Variants in PCDH1 observed in about 807,000 individuals in gnomAD.
PCDH1 encodes protocadherin 1, also known as protocadherin-1.
Under a neutral mutation model 74.6 loss-of-function variants are expected in PCDH1, and 23 were observed. The observed-to-expected ratio is 0.31, with a 90% confidence interval of 0.22 to 0.44. PCDH1 has a LOEUF of 0.44. Among genes scored for constraint, PCDH1 ranks in the 20% least tolerant of loss-of-function variants. The pLI, the probability that PCDH1 is intolerant of heterozygous loss-of-function variation, is 1.00. For missense variants in PCDH1, 1,214 were observed against 1,641.4 expected, an observed-to-expected ratio of 0.74 and a Z score of 4.50; for synonymous variants, 647 against 686.1, an observed-to-expected ratio of 0.94 and a Z score of 0.89.
Position 141,864,775 on chromosome 5 carries a change from T to C in PCDH1, c.1556A>G (p.Asn519Ser). Residue 519 changes from asparagine (N) to serine (S), a missense_variant, in exon 3 of 5, where the codon AAC becomes AGC. Asn to Ser is a conservative substitution (Grantham distance 46). This residue lies in a region of PCDH1 where 836 missense variants were observed against 1,182.2 expected (regional missense o/e 0.71). Transcript: ENST00000287008. The surrounding 1 kb of genome is among the most constrained non-coding windows in gnomAD (Gnocchi z 5.9). ...SVTEVAFPEN[N>S]KPGEVIAEIT... ...CTCAGCAATCACTTCACCAGGCTTG[T>C]TGTTTTCCGGGAAGGCGACCTCAGT... The C allele has an allele frequency of 1.9e-6, 3 of 1,614,088 alleles. No homozygotes were observed. Among genetic ancestry groups the C allele is most frequent in the Non-Finnish European group, 1.7e-6 (2 of 1,179,998 alleles).
At chr5:141,875,309 G>C (rs1474056168) in intron 1 of PCDH1, among the ~76,000 whole-genome samples, 1 of 152,108 alleles carries the variant, frequency 6.6e-6, no homozygotes, top group East Asian at 1.9e-4. Context: ...TCGCTGGTTG[G>C]TAAGTCCTAT....
Position 141,863,255 on chromosome 5 carries a change from G to A in PCDH1, c.3076C>T (p.Pro1026Ser). ...ACCTGCTTGCTGGGGTATTTGGGGG[G>A]GTTGGTGCGGTAGCTGTAGTCGGAG... ...QYSDYSYRTN[P>S]PKYPSKQLPH... Residue 1026 changes from proline to serine, a missense_variant, in exon 3 of 5, where the codon CCC (proline) becomes TCC (serine). Physicochemically the swap from Pro to Ser is moderately conservative, Grantham distance 74. Around this residue, in one of 4 missense-constraint regions of PCDH1, gnomAD observed 836 missense variants for 1,182.2 expected, o/e 0.71. Coordinates refer to ENST00000287008, the MANE Select transcript of PCDH1 (RefSeq NM_032420.5). This position sits in a 1 kb window ranked among gnomAD's most constrained non-coding sequence, Gnocchi z 7.5. The A allele has an allele frequency of 6.3e-7, 1 of 1,593,380 alleles. No individual in the cohort carries two copies. The highest frequency in any genetic ancestry group is 8.5e-7 in the Non-Finnish European group (1 of 1,169,786).
At chr5:141,859,798 T>C (rs1333056357) in intron 3 of PCDH1, among the ~76,000 whole-genome samples, 1 of 152,174 alleles carries the variant, frequency 6.6e-6, no homozygotes, top group African/African-American at 2.4e-5. Flanking sequence ...CTATGCCCTT[T>C]TAAGCCCACC....
At chr5:141,866,215 CG>C (rs1327725778) in intron 2 of PCDH1, 2 of 985,410 alleles carry the variant, frequency 2.0e-6, no homozygotes, top group African/African-American at 3.5e-5. Context: ...CTTCTCCTCC[CG>C]ACTGGCACCG....
At chr5:141,873,056 G>A (rs1753131544) in intron 1 of PCDH1, among the ~76,000 whole-genome samples, 1 of 152,160 alleles carries the variant, frequency 6.6e-6, no homozygotes, top group Non-Finnish European at 1.5e-5. Context: ...CAATTGTGAT[G>A]CAATGGTCGG....
chr5:141,853,787 G>T lies in PCDH1; in HGVS notation c.*255C>A. The T allele has an allele frequency of 2.6e-6, 1 of 385,658 alleles. No individual in the cohort carries two copies. The highest frequency in any genetic ancestry group is 2.1e-5 in the African/African-American group (1 of 48,780). 23.9% of individuals were successfully genotyped at this position (385,658 alleles called of 1,614,324 possible). On this transcript the variant is annotated 3_prime_UTR_variant, in exon 5 of 5. Transcript: ENST00000287008. ...GAAGGAGCCCAGTCATTGCAGAGGAGCCCTCTTGGGCATCAGATGGGGGAA... is the reference window on the plus strand; with the variant it reads ...GAAGGAGCCCAGTCATTGCAGAGGATCCCTCTTGGGCATCAGATGGGGGAA...
At chr5:141,862,319 C>G (rs567664809) in intron 3 of PCDH1, among the ~76,000 whole-genome samples, 1 of 152,158 alleles carries the variant, frequency 6.6e-6, no homozygotes, top group East Asian at 1.9e-4. Context: ...AAAAATCAAG[C>G]CTCAGATGGG....
In PCDH1 at chr5:141,868,013, G is replaced by A. The variant is rs1322404845; in HGVS notation, c.903+556C>T. ...ATCTATGGGCACCCCATGCCTAGGG[G>A]AGGAGGCATGTATACAGACACCCTA... On this transcript the variant is annotated intron_variant, in intron 2 of 4. Coordinates refer to ENST00000287008, the MANE Select transcript of PCDH1 (RefSeq NM_032420.5). This position sits in a 1 kb window ranked among gnomAD's most constrained non-coding sequence, Gnocchi z 4.8. Among the ~76,000 whole-genome samples, 1 of 152,256 alleles carries A rather than the reference G, an allele frequency of 6.6e-6. No individual in the cohort carries two copies. The highest frequency in any genetic ancestry group is 1.5e-5 in the Non-Finnish European group (1 of 68,048).
At chr5:141,873,101 A>C (rs1186789798) in intron 1 of PCDH1, among the ~76,000 whole-genome samples, 1 of 151,952 alleles carries the variant, frequency 6.6e-6, no homozygotes, top group Non-Finnish European at 1.5e-5. Context: ...AATTCCAGGG[A>C]GTTAAGAAAG....
At position 141,865,076 on chromosome 5, in the gene PCDH1, C is replaced by T; in HGVS notation, c.1255G>A (p.Val419Met). 1 of 1,614,194 alleles carries T rather than the reference C, an allele frequency of 6.2e-7. No individual in the cohort carries two copies. The highest frequency in any genetic ancestry group is 8.5e-7 in the Non-Finnish European group (1 of 1,180,036). ...TTCTCTCCCTCATCTCGGTCAGACA[C>T]CTGCACCAGGGCCACAGCTGTCTCC... ...AEETAVALVQ[V>M]SDRDEGENAA... Residue 419 changes from valine (V) to methionine (M), a missense_variant, in exon 3 of 5, where the codon GTG (valine) becomes ATG (methionine). Physicochemically the swap from Val to Met is conservative, Grantham distance 21. Transcript: ENST00000287008. The surrounding 1 kb of genome is among the most constrained non-coding windows in gnomAD (Gnocchi z 4.4).
At position 141,863,733 on chromosome 5, in the gene PCDH1, C is replaced by T. The variant is rs1405428574; in HGVS notation, c.2598G>A (p.Leu866=). The change falls in exon 3 of 5, where the codon TTG becomes TTA. Residue 866 remains leucine (L), a synonymous_variant. Transcript: ENST00000287008. This position sits in a 1 kb window ranked among gnomAD's most constrained non-coding sequence, Gnocchi z 7.5. ...GCACAAGAACCGCCAGGGCGATGAG[C>T]AAGGCCACGGCCACCACACCAGCCA... ...GVVAGVVAVA[L]LIALAVLVRY... is the part of the protein sequence containing the mutation. 6.2e-7 allele frequency: 1 copy of T among 1,614,198 alleles called. No individual in the cohort carries two copies. The highest frequency in any genetic ancestry group is 8.5e-7 in the Non-Finnish European group (1 of 1,180,026).
chr5:141,875,494 T>G (rs1008468669), intron 1 of PCDH1, among the ~76,000 whole-genome samples: 1 of 151,956 alleles, frequency 6.6e-6, no homozygotes, highest in African/African-American at 2.4e-5. Flanking sequence ...GAACCCTGAT[T>G]CCCACTTAGC....
intron 2 of PCDH1, chr5:141,866,182 G>A (rs1040643602): frequency 4.5e-5 from 44 of 985,378 alleles, no homozygotes; most frequent in African/African-American, 1.9e-4. Flanking sequence ...CTGTCAAACC[G>A]GGGAAACCTG....
intron 1 of PCDH1, among the ~76,000 whole-genome samples, chr5:141,877,967 G>C (rs1332550845): frequency 6.6e-6 from 1 of 152,164 alleles, no homozygotes; most frequent in Admixed American, 6.5e-5. Flanking sequence ...GCCCAGGTTT[G>C]GGACGCGGGG....
rs1452752801 is a variant in PCDH1 at position 141,865,007 on chromosome 5, G to A, written c.1324C>T (p.Leu442=). 1 of 1,614,118 alleles carries A rather than the reference G, an allele frequency of 6.2e-7. No homozygotes were observed. Among genetic ancestry groups the A allele is most frequent in the Admixed American group, 1.7e-5 (1 of 60,016 alleles). The change falls in exon 3 of 5, where the codon CTG becomes TTG. Residue 442 remains leucine, a synonymous_variant. Transcript: ENST00000287008. This position sits in a 1 kb window ranked among gnomAD's most constrained non-coding sequence, Gnocchi z 4.4. ...CVVAGDVPFQ[L]RQASETGSDS... is the part of the protein sequence containing the mutation. ...CTGCCTGTCTCACTGGCCTGGCGCA[G>A]CTGGAAGGGCACATCACCTGCCACC...
At chr5:141,862,033 G>T (rs983264456) in intron 3 of PCDH1, among the ~76,000 whole-genome samples, 6 of 151,432 alleles carry the variant, frequency 4.0e-5, no homozygotes, top group Non-Finnish European at 8.8e-5. Context: ...TTAGGAATTC[G>T]CCATGTCTCC....
At chr5:141,860,387 C>T (rs1408003375) in intron 3 of PCDH1, among the ~76,000 whole-genome samples, 2 of 151,516 alleles carry the variant, frequency 1.3e-5, no homozygotes, top group Non-Finnish European at 2.9e-5. Context: ...TGGTGCACGA[C>T]TGTAGTCCCA....
At position 141,868,980 on chromosome 5, in the gene PCDH1, G is replaced by A. The variant is rs762797405; in HGVS notation, c.492C>T (p.Asn164=). Residue 164 remains asparagine, a synonymous_variant, in exon 2 of 5, where the codon AAC becomes AAT. Transcript: ENST00000287008. This position sits in a 1 kb window ranked among gnomAD's most constrained non-coding sequence, Gnocchi z 4.8. ...TGACTGGTGAGGCGAAGTTGGGTGT[G>A]TTGTCATTGATGTCTTGTACTTCTA... ...GQIEVQDIND[N]TPNFASPVIT... is the part of the protein sequence containing the mutation. The A allele has an allele frequency of 2.5e-6, 4 of 1,614,116 alleles. No individual in the cohort carries two copies. In the African/African-American group the frequency reaches 4.0e-5, roughly 16 times the overall value.
At chr5:141,870,774 C>T (rs528773032) in intron 1 of PCDH1, among the ~76,000 whole-genome samples, 5 of 152,310 alleles carry the variant, frequency 3.3e-5, no homozygotes, top group African/African-American at 1.2e-4. Flanking sequence ...ATGCCCCCTC[C>T]TCTCCAACAA....
Sources: allele counts gnomAD v4.1 joint callset (sites outside exome capture counted in the v4.1 genomes callset), GRCh38; gene constraint gnomAD v4.1.1; regional missense constraint gnomAD v4.1.1; non-coding constraint Gnocchi (gnomAD v3.1); transcripts MANE v1.5; gene names NCBI Gene and HGNC (gene_info 2026-07-23, HGNC 2026-07-21).